The following RIMS4 variants were observed in gnomAD, a reference collection of about 807,000 sequenced individuals.
RIMS4 encodes regulating synaptic membrane exocytosis protein 4.
A neutral mutation model predicts 29.0 loss-of-function variants in RIMS4; 9 were observed. The observed-to-expected ratio is 0.31, with a 90% CI of 0.19 to 0.54. RIMS4 has a LOEUF of 0.54. Ranked by LOEUF, RIMS4 falls within the 20% of genes least tolerant of loss-of-function variation. The pLI is 0.94. For synonymous variants in RIMS4, 130 were observed against 152.9 expected, an observed-to-expected ratio of 0.85 and a Z score of 1.10; for missense variants, 193 against 365.7, an observed-to-expected ratio of 0.53 and a Z score of 3.85.
At chr20:44,780,380 G>A (rs1379572271) in intron 1 of RIMS4, among the ~76,000 whole-genome samples, 1 of 152,214 alleles carries the variant, frequency 6.6e-6, no homozygotes, top group Non-Finnish European at 1.5e-5. Flanking sequence ...CAGAGGACTG[G>A]GCCTGCCTAG....
At chr20:44,791,024 G>A (rs1300437330) in intron 1 of RIMS4, among the ~76,000 whole-genome samples, 1 of 152,206 alleles carries the variant, frequency 6.6e-6, no homozygotes, top group African/African-American at 2.4e-5. Context: ...AGAGTTGCAC[G>A]CAGTTCTAGA....
rs926359664 is a variant in RIMS4, at chr20:44,799,647, C to T, written c.97+10528G>A. On this transcript the variant is annotated intron_variant, in intron 1 of 5. Transcript: ENST00000372851. ...CCACTCTCAGGGTGACTCCAGGTGG[C>T]GTTCACTAGGGACACTGAGTGCTGG... is the stretch of plus-strand genomic sequence containing the variant. Among the ~76,000 whole-genome samples, 6 of 152,166 alleles carry T rather than the reference C, an allele frequency of 3.9e-5. No homozygotes were observed. The South Asian group carries it at 8.3e-4, about 21-fold the overall frequency.
rs942885122 is a variant in RIMS4, at chr20:44,756,698, G to A, written c.591+200C>T. 6.6e-6 allele frequency among the ~76,000 whole-genome samples: 1 copy of A among 152,082 alleles called. No homozygotes were observed. The highest frequency in any genetic ancestry group is 1.5e-5 in the Non-Finnish European group (1 of 68,024). ...CCCGCTTTACAGATGAAGGAACTGA[G>A]GGTCAGAAGGGAACTTGTTCAAAGT... On this transcript the variant is annotated intron_variant, in intron 5 of 5. Coordinates refer to ENST00000372851, the MANE Select transcript of RIMS4 (RefSeq NM_182970.4). This position sits in a 1 kb window ranked among gnomAD's most constrained non-coding sequence, Gnocchi z 5.9.
chr20:44,778,604 G>T (rs192308903), intron 1 of RIMS4, among the ~76,000 whole-genome samples: 28 of 152,300 alleles, frequency 1.8e-4, no homozygotes, highest in African/African-American at 6.3e-4. Context: ...GTTTGAGGCT[G>T]CAGTGAGCTA....
intron 1 of RIMS4, among the ~76,000 whole-genome samples, chr20:44,790,073 G>A (rs1156811406): frequency 1.3e-5 from 2 of 152,256 alleles, no homozygotes; most frequent in Admixed American, 1.3e-4. Context: ...CCCAAATGTG[G>A]TTGAACATCA....
chr20:44,788,138 G>T (rs1483649866), intron 1 of RIMS4, among the ~76,000 whole-genome samples: 2 of 152,154 alleles, frequency 1.3e-5, no homozygotes, highest in Non-Finnish European at 2.9e-5. Context: ...CTTCTCCAAT[G>T]GCATTTCTTC....
intron 2 of RIMS4, among the ~76,000 whole-genome samples, chr20:44,764,814 C>T (rs567754800): frequency 6.5e-4 from 99 of 152,282 alleles, no homozygotes; most frequent in Non-Finnish European, 1.1e-3. Flanking sequence ...AACAAATTCT[C>T]GTTTTCAAAA....
chr20:44,759,679 A>G (rs971208604), intron 2 of RIMS4, among the ~76,000 whole-genome samples: 1 of 152,254 alleles, frequency 6.6e-6, no homozygotes, highest in Non-Finnish European at 1.5e-5. Context: ...GCTTAACCCA[A>G]GCCAGGCCAA....
chr20:44,779,202 T>A (rs2066173236), intron 1 of RIMS4, among the ~76,000 whole-genome samples: 1 of 152,248 alleles, frequency 6.6e-6, no homozygotes, highest in African/African-American at 2.4e-5. Context: ...GTCTTAGCAT[T>A]CTCTTATCTT....
intron 1 of RIMS4, among the ~76,000 whole-genome samples, chr20:44,772,354 G>A (rs867295002): frequency 1.3e-5 from 2 of 152,098 alleles, no homozygotes; most frequent in South Asian, 2.1e-4. Context: ...CTTCCTCTGC[G>A]AAGACCATAA....
At chr20:44,766,667 G>C (rs958857786) in intron 2 of RIMS4, among the ~76,000 whole-genome samples, 1 of 152,310 alleles carries the variant, frequency 6.6e-6, no homozygotes, top group South Asian at 2.1e-4. Context: ...ATGGATTATG[G>C]ATTGGAGAGG....
chr20:44,773,989 C>A (rs780155309), intron 1 of RIMS4, among the ~76,000 whole-genome samples: 3 of 152,206 alleles, frequency 2.0e-5, no homozygotes, highest in Non-Finnish European at 2.9e-5. Context: ...CCTGCCCTTG[C>A]CAACTGTCTT....
intron 1 of RIMS4, among the ~76,000 whole-genome samples, chr20:44,792,102 T>C (rs1317480591): frequency 6.6e-6 from 1 of 152,052 alleles, no homozygotes; most frequent in Non-Finnish European, 1.5e-5. Context: ...TCTGCTTGTC[T>C]TTCCTCCTGG....
intron 1 of RIMS4, among the ~76,000 whole-genome samples, chr20:44,799,839 C>A (rs2066270231): frequency 1.3e-5 from 2 of 152,208 alleles, no homozygotes; most frequent in South Asian, 4.1e-4. Context: ...TGGGCCTCAA[C>A]TAAGATAGCC....
Position 44,771,283 on chromosome 20 carries a change from T to A in RIMS4, c.228A>T (p.Ser76=). 6.2e-7 allele frequency: 1 copy of A among 1,607,150 alleles called. No homozygotes were observed. ...SIEDSMNSYG[S]EGNLNYGGVC... ...GGTGGCCCCACACTTACTTGCCCTCTGAGCCATAGCTGTTCATGCTGTCCT... is the reference window on the plus strand; with the variant it reads ...GGTGGCCCCACACTTACTTGCCCTCAGAGCCATAGCTGTTCATGCTGTCCT... The change falls in exon 2 of 6, where the codon TCA becomes TCT. Residue 76 remains serine, a synonymous_variant. Transcript: ENST00000372851.
chr20:44,807,242 G>A (rs944456617), intron 1 of RIMS4, among the ~76,000 whole-genome samples: 3 of 152,202 alleles, frequency 2.0e-5, no homozygotes, highest in Non-Finnish European at 4.4e-5. Flanking sequence ...AGCATCCTGG[G>A]CCCACGGCGG....
intron 1 of RIMS4, among the ~76,000 whole-genome samples, chr20:44,786,838 A>G (rs2066210573): frequency 6.6e-6 from 1 of 152,276 alleles, no homozygotes; most frequent in Admixed American, 6.5e-5. Context: ...CCTGTCTCAG[A>G]CTAGATGAGA....
intron 2 of RIMS4, among the ~76,000 whole-genome samples, chr20:44,771,054 G>T (rs1246387778): frequency 1.3e-5 from 2 of 152,226 alleles, no homozygotes; most frequent in Non-Finnish European, 2.9e-5. Flanking sequence ...CAGGAAGGGG[G>T]TGGAGCCAGG....
intron 1 of RIMS4, 81 bp from the exon 2 acceptor site, chr20:44,771,494 A>G: frequency 1.3e-6 from 2 of 1,494,420 alleles, no homozygotes; most frequent in Admixed American, 1.8e-5. Context: ...TCTGGTTAGC[A>G]GTGTTTCAGC....
Sources: allele counts gnomAD v4.1 joint callset (sites outside exome capture counted in the v4.1 genomes callset), GRCh38; gene constraint gnomAD v4.1.1; non-coding constraint Gnocchi (gnomAD v3.1); transcripts MANE v1.5; gene names NCBI Gene and HGNC (gene_info 2026-07-23, HGNC 2026-07-21).